TINAG: variants seen among roughly 807,000 people sequenced by gnomAD.
TINAG encodes tubulointerstitial nephritis antigen.
TINAG carries 83 observed loss-of-function variants against 72.7 expected under a neutral mutation model. That is an observed-to-expected ratio of 1.14 (90% confidence interval 0.96 to 1.37). The LOEUF is 1.37. Ranked by LOEUF, TINAG falls within the 40% of genes most tolerant of loss-of-function variation. The pLI, the probability that TINAG is intolerant of heterozygous loss-of-function variation, is 0.00. For synonymous variants in TINAG, 234 were observed against 189.9 expected (o/e 1.23, Z -1.91); for missense variants, 685 against 576.6 (o/e 1.19, Z -1.93).
Position 54,389,775 on chromosome 6 carries a change from GT to G in TINAG, c.1297-13del. 1 of 1,561,782 alleles carries G rather than the reference GT, an allele frequency of 6.4e-7. No homozygotes were observed. Among genetic ancestry groups the G allele is most frequent in the Non-Finnish European group, 8.6e-7 (1 of 1,161,014 alleles). On this transcript the variant is annotated splice_polypyrimidine_tract_variant and intron_variant, in intron 10 of 10. Transcript: ENST00000259782. ...AGTATGTTTCTCAACTTTTTTGTTTGTTTGTTTTTCTGCAGATTGCTGCCAA... is the reference window on the plus strand; with the variant it reads ...AGTATGTTTCTCAACTTTTTTGTTTGTTGTTTTTCTGCAGATTGCTGCCAA...
At chr6:54,331,217 T>G (rs1784732642) in intron 4 of TINAG, among the ~76,000 whole-genome samples, 1 of 152,166 alleles carries the variant, frequency 6.6e-6, no homozygotes, top group Non-Finnish European at 1.5e-5. Context: ...AATAAAATAC[T>G]GGCAAACTGA....
At chr6:54,350,400 C>T (rs1022316876) in intron 7 of TINAG, among the ~76,000 whole-genome samples, 7 of 151,896 alleles carry the variant, frequency 4.6e-5, no homozygotes, top group Non-Finnish European at 1.0e-4. Flanking sequence ...AATTTGTGAA[C>T]CTCCAGTGTC....
At chr6:54,338,233 G>T (rs1784912965) in intron 4 of TINAG, among the ~76,000 whole-genome samples, 1 of 152,166 alleles carries the variant, frequency 6.6e-6, no homozygotes, top group Non-Finnish European at 1.5e-5. Flanking sequence ...GAACAACACA[G>T]TGGAACCTAA....
chr6:54,343,405 C>T, intron 5 of TINAG, 56 bp downstream of exon 5: 2 of 1,355,622 alleles, frequency 1.5e-6, no homozygotes, highest in Non-Finnish European at 1.9e-6. Context: ...GCTCTAGAGA[C>T]TGAGAGAATA....
At chr6:54,354,444 A>G (rs1785342644) in intron 8 of TINAG, 69 bp from the exon 9 acceptor site, 1 of 1,439,736 alleles carries the variant, frequency 6.9e-7, no homozygotes, top group East Asian at 2.6e-5. Context: ...TGTTCCGTGA[A>G]ATTTTCTGGT....
At chr6:54,355,747 A>G (rs868769400) in intron 9 of TINAG, among the ~76,000 whole-genome samples, 4 of 104,114 alleles carry the variant, frequency 3.8e-5, no homozygotes, top group East Asian at 2.7e-4. Context: ...GTGTGTGTGT[A>G]TTTATAAATG....
intron 3 of TINAG, among the ~76,000 whole-genome samples, chr6:54,325,555 A>G (rs905132379): frequency 5.3e-5 from 8 of 152,168 alleles, no homozygotes; most frequent in African/African-American, 1.9e-4. Flanking sequence ...TTATTACCTC[A>G]GTATTTGTAA....
chr6:54,309,948 T>C (rs1387453785), intron 1 of TINAG, among the ~76,000 whole-genome samples: 1 of 152,164 alleles, frequency 6.6e-6, no homozygotes, highest in Non-Finnish European at 1.5e-5. Flanking sequence ...ATACGTATTA[T>C]TTTAAATTTT....
Position 54,351,350 on chromosome 6 carries a change from A to G in TINAG, c.1081-2A>G. The stretch of plus-strand genomic sequence containing the variant: ...ATTGCTTATTCATATTTTTCCATCC[A>G]GGAAACTGAGATAATGAAAGAAATC... On this transcript the variant is annotated splice_acceptor_variant, in intron 7 of 10. Transcript: ENST00000259782. LOFTEE classifies it high-confidence loss of function. The G allele has an allele frequency of 6.2e-7, 1 of 1,609,332 alleles. No homozygotes were observed. The highest frequency in any genetic ancestry group is 8.5e-7 in the Non-Finnish European group (1 of 1,177,020).
intron 4 of TINAG, among the ~76,000 whole-genome samples, chr6:54,331,582 C>T (rs1784742869): frequency 6.6e-6 from 1 of 152,188 alleles, no homozygotes; most frequent in South Asian, 2.1e-4. Flanking sequence ...CACTTTTATT[C>T]AACATAGTAT....
At chr6:54,336,396 AG>A (rs1363605867) in intron 4 of TINAG, among the ~76,000 whole-genome samples, 1 of 152,106 alleles carries the variant, frequency 6.6e-6, no homozygotes, top group African/African-American at 2.4e-5. Flanking sequence ...AGAAAGGTGT[AG>A]GCCTGGATTT....
In TINAG at chr6:54,390,070, T is replaced by A; in HGVS notation, c.*145T>A. The A allele has an allele frequency of 9.0e-7, 1 of 1,105,198 alleles. No homozygotes were observed. The highest frequency in any genetic ancestry group is 2.7e-5 in the East Asian group (1 of 37,726). The allele number at this position is 1,105,198 out of a possible 1,614,324, so 68.5% of individuals were successfully genotyped here. A position where few individuals can be genotyped will look rare whatever the true frequency, so the allele number is the denominator to read the frequency against. On this transcript the variant is annotated 3_prime_UTR_variant, in exon 11 of 11. Transcript: ENST00000259782. ...TCTATTTTCTTATTTTCCCCTCTGG[T>A]CTATGCTTCTGCTTCCTTCATATTA...
chr6:54,333,416 A>G (rs1784788785), intron 4 of TINAG, among the ~76,000 whole-genome samples: 1 of 152,008 alleles, frequency 6.6e-6, no homozygotes, highest in East Asian at 1.9e-4. Flanking sequence ...GAGTTGAACA[A>G]TAAGGACATA....
chr6:54,349,945 T>A (rs763653263), intron 7 of TINAG, 49 bp downstream of exon 7: 2 of 1,334,272 alleles, frequency 1.5e-6, no homozygotes, highest in Non-Finnish European at 2.0e-6. Context: ...CTCAAATGTA[T>A]ATAGCTCTAC....
Position 54,347,534 on chromosome 6 carries a change from C to G in TINAG, c.899+17C>G. 6.2e-7 allele frequency: 1 copy of G among 1,610,066 alleles called. No individual in the cohort carries two copies. Among genetic ancestry groups the G allele is most frequent in the Non-Finnish European group, 8.5e-7 (1 of 1,177,888 alleles). On this transcript the variant is annotated intron_variant, in intron 6 of 10. Transcript: ENST00000259782. ...AAAACGTGGGTAAATAGCTGCTCAA[C>G]ATGTGTTTCTAGGATTTTTATGAAT...
At chr6:54,361,393 T>G (rs1433536388) in intron 9 of TINAG, among the ~76,000 whole-genome samples, 3 of 151,594 alleles carry the variant, frequency 2.0e-5, no homozygotes, top group Non-Finnish European at 4.4e-5. Context: ...TTCAGGAAAC[T>G]TACAATCATG....
intron 9 of TINAG, among the ~76,000 whole-genome samples, chr6:54,372,476 A>G (rs1763649157): frequency 6.6e-6 from 1 of 151,962 alleles, no homozygotes; most frequent in Non-Finnish European, 1.5e-5. Flanking sequence ...TAGAATTCAC[A>G]TAGTGATTTA....
intron 3 of TINAG, among the ~76,000 whole-genome samples, chr6:54,323,915 C>T (rs1300087971): frequency 6.6e-6 from 1 of 152,166 alleles, no homozygotes; most frequent in Admixed American, 6.5e-5. Context: ...GATCACACCA[C>T]TGCACTCCAG....
At chr6:54,309,003 A>G (rs1222733183) in intron 1 of TINAG, 98 bp downstream of exon 1, 3 of 1,068,860 alleles carry the variant, frequency 2.8e-6, no homozygotes, top group Non-Finnish European at 4.0e-6. Flanking sequence ...TCCTTCTTTC[A>G]ATGAAATGAA....
Sources: gnomAD v4.1 joint callset for allele counts (sites outside exome capture counted in the v4.1 genomes callset) on GRCh38, gnomAD v4.1.1 for gene constraint, MANE v1.5 for transcripts, NCBI Gene and HGNC (gene_info 2026-07-23, HGNC 2026-07-21) for gene names.